GUCY1B1: variants seen among roughly 807,000 people sequenced by gnomAD.
GUCY1B1 encodes guanylate cyclase soluble subunit beta-1.
Under a neutral mutation model 71.0 loss-of-function variants are expected in GUCY1B1, and 43 were observed. The ratio of observed to expected loss-of-function variants is 0.61; its 90% confidence interval spans 0.47 to 0.78. The LOEUF is 0.78. GUCY1B1 is among the 30% of genes least tolerant of loss of function. The pLI, the probability that GUCY1B1 is intolerant of heterozygous loss-of-function variation, is 0.00. For synonymous variants in GUCY1B1, 266 were observed against 259.7 expected (o/e 1.02, Z -0.23); for missense variants, 535 against 754.1 (o/e 0.71, Z 3.40).
intron 2 of GUCY1B1, among the ~76,000 whole-genome samples, chr4:155,764,846 C>T (rs1327710083): frequency 1.3e-5 from 2 of 152,198 alleles, no homozygotes; most frequent in Admixed American, 1.3e-4. Context: ...CTTCCAGAAC[C>T]TGGACCATGT....
Position 155,805,166 on chromosome 4 carries a change from C to T in GUCY1B1, c.1773C>T (p.Ser591=). The T allele has an allele frequency of 6.2e-7, 1 of 1,611,166 alleles. No individual in the cohort carries two copies. Among genetic ancestry groups the T allele is most frequent in the Non-Finnish European group, 8.5e-7 (1 of 1,177,940 alleles). The part of the protein sequence containing the change: ...QFHLEHRGPV[S]MKGKKEPMQV... ...ACTTGGAGCACAGAGGCCCAGTGTC[C>T]ATGAAGGGCAAAAAAGAACCAATGC... The change falls in exon 13 of 14, where the codon TCC becomes TCT. Residue 591 remains serine (S), a synonymous_variant. Transcript: ENST00000264424.
chr4:155,778,807 G>A (rs1738226537), intron 4 of GUCY1B1, among the ~76,000 whole-genome samples: 1 of 152,022 alleles, frequency 6.6e-6, no homozygotes, highest in African/African-American at 2.4e-5. Context: ...AATGTTTTGG[G>A]GGATTTTGGG....
At chr4:155,761,771 T>C (rs1737013104) in intron 2 of GUCY1B1, among the ~76,000 whole-genome samples, 1 of 152,354 alleles carries the variant, frequency 6.6e-6, no homozygotes. Flanking sequence ...AATTTATCTT[T>C]AAGTAGCTTC....
At position 155,806,436 on chromosome 4, in the gene GUCY1B1, T is replaced by C. The variant is rs1371801593; in HGVS notation, c.*27T>C. On this transcript the variant is annotated 3_prime_UTR_variant, in exon 14 of 14. Coordinates refer to ENST00000264424, the MANE Select transcript of GUCY1B1 (RefSeq NM_000857.5). ...TCTTGGATTATGGGGTGAAGAGGAGTACAGACTAGGTTCCAGTTTTCTCCT... is the reference window on the plus strand; with the variant it reads ...TCTTGGATTATGGGGTGAAGAGGAGCACAGACTAGGTTCCAGTTTTCTCCT... The C allele has an allele frequency of 3.8e-6, 6 of 1,565,946 alleles. No individual in the cohort carries two copies. The highest frequency in any genetic ancestry group is 5.3e-6 in the Non-Finnish European group (6 of 1,137,480).
At chr4:155,793,135 G>T (rs1043731033) in intron 5 of GUCY1B1, among the ~76,000 whole-genome samples, 1 of 152,094 alleles carries the variant, frequency 6.6e-6, no homozygotes, top group Non-Finnish European at 1.5e-5. Context: ...GAATGCAATG[G>T]CATGATCTCG....
intron 11 of GUCY1B1, among the ~76,000 whole-genome samples, chr4:155,804,377 G>C (rs1375798057): frequency 6.6e-6 from 1 of 152,112 alleles, no homozygotes; most frequent in Non-Finnish European, 1.5e-5. Context: ...TTGGGGGCAA[G>C]GGGAGGGAGA....
chr4:155,790,530 C>T (rs979133288), intron 5 of GUCY1B1, among the ~76,000 whole-genome samples: 2 of 152,162 alleles, frequency 1.3e-5, no homozygotes, highest in African/African-American at 4.8e-5. Context: ...ACCACTGTTT[C>T]TCTTTACCTC....
At chr4:155,798,482 G>T (rs569376409) in intron 8 of GUCY1B1, among the ~76,000 whole-genome samples, 1 of 152,158 alleles carries the variant, frequency 6.6e-6, no homozygotes, top group Admixed American at 6.5e-5. Flanking sequence ...TCTGCAAGTG[G>T]ATTTACATAT....
At chr4:155,771,696 T>C (rs1219937616) in intron 2 of GUCY1B1, among the ~76,000 whole-genome samples, 2 of 152,170 alleles carry the variant, frequency 1.3e-5, no homozygotes, top group African/African-American at 4.8e-5. Flanking sequence ...ATTTATCCCA[T>C]TCCTAAGAAT....
At chr4:155,765,136 A>T (rs1170774437) in intron 2 of GUCY1B1, among the ~76,000 whole-genome samples, 1 of 152,134 alleles carries the variant, frequency 6.6e-6, no homozygotes, top group Non-Finnish European at 1.5e-5. Context: ...TCTCACTCTT[A>T]ATGTACCCAG....
At chr4:155,777,488 A>C (rs771309851) in intron 3 of GUCY1B1, 36 bp from the exon 4 acceptor site, 6 of 1,016,076 alleles carry the variant, frequency 5.9e-6, no homozygotes, top group Non-Finnish European at 9.4e-6. Context: ...TTCACCTATT[A>C]TATGCTTTTT....
rs558582992 is a variant in GUCY1B1, at chr4:155,799,293, T to A, written c.978-584T>A. 3.3e-5 allele frequency among the ~76,000 whole-genome samples: 5 copies of A among 152,004 alleles called. No individual in the cohort carries two copies. In the East Asian group the frequency reaches 9.7e-4, roughly 29 times the overall value. On this transcript the variant is annotated intron_variant, in intron 8 of 13. Coordinates refer to ENST00000264424, the MANE Select transcript of GUCY1B1 (RefSeq NM_000857.5). ...TAATGTTTCAAATAAATGAGAAAAA[T>A]TTGTCAAAGTAAAAAGAAGACATGA... is the stretch of plus-strand genomic sequence containing the variant.
At chr4:155,767,802 C>T (rs1333793669) in intron 2 of GUCY1B1, among the ~76,000 whole-genome samples, 6 of 152,100 alleles carry the variant, frequency 3.9e-5, no homozygotes, top group Admixed American at 6.6e-5. Context: ...GCTATTCATG[C>T]TCCACAGCCA....
chr4:155,763,572 A>G (rs985844937), intron 2 of GUCY1B1, among the ~76,000 whole-genome samples: 1 of 152,110 alleles, frequency 6.6e-6, no homozygotes, highest in African/African-American at 2.4e-5. Context: ...AGATTTCATG[A>G]TATTTTAGTC....
At chr4:155,793,421 A>G (rs182789981) in intron 5 of GUCY1B1, among the ~76,000 whole-genome samples, 40 of 152,350 alleles carry the variant, frequency 2.6e-4, no homozygotes, top group Admixed American at 6.5e-4. Flanking sequence ...GTTAAAAATG[A>G]CATTGCATTT....
In GUCY1B1 at chr4:155,802,968, C is replaced by G. The variant is rs554864429; in HGVS notation, c.1413+389C>G. 6.6e-6 allele frequency among the ~76,000 whole-genome samples: 1 copy of G among 152,108 alleles called. No homozygotes were observed. The highest frequency in any genetic ancestry group is 1.5e-5 in the Non-Finnish European group (1 of 68,024). Reference sequence around the variant, plus strand: ...TTTGTACAGTAAAGAAGTCATGAAGCATGAGAAGGACTCAGATTTGCGTTT... The same window carrying G: ...TTTGTACAGTAAAGAAGTCATGAAGGATGAGAAGGACTCAGATTTGCGTTT... On this transcript the variant is annotated intron_variant, in intron 10 of 13. Coordinates refer to ENST00000264424, the MANE Select transcript of GUCY1B1 (RefSeq NM_000857.5). The surrounding 1 kb of genome is among the most constrained non-coding windows in gnomAD (Gnocchi z 4.3).
intron 4 of GUCY1B1, among the ~76,000 whole-genome samples, chr4:155,785,896 AAC>A (rs1300896871): frequency 1.3e-5 from 2 of 152,218 alleles, no homozygotes; most frequent in East Asian, 1.9e-4. Context: ...TAAATTCAAT[AAC>A]ACAGTAAATC....
intron 2 of GUCY1B1, among the ~76,000 whole-genome samples, chr4:155,761,432 A>G (rs1348153540): frequency 6.6e-6 from 1 of 152,180 alleles, no homozygotes; most frequent in African/African-American, 2.4e-5. Context: ...TGCTATGACA[A>G]TGAATATGCT....
At chr4:155,804,806 G>T (rs1740206697) in intron 12 of GUCY1B1, 59 bp downstream of exon 12, 1 of 1,446,276 alleles carries the variant, frequency 6.9e-7, no homozygotes, top group Non-Finnish European at 9.6e-7. Context: ...TTTGCATGTG[G>T]TTTAATTCTC....
Sources: allele counts gnomAD v4.1 joint callset (sites outside exome capture counted in the v4.1 genomes callset), GRCh38; gene constraint gnomAD v4.1.1; non-coding constraint Gnocchi (gnomAD v3.1); transcripts MANE v1.5; gene names NCBI Gene and HGNC (gene_info 2026-07-23, HGNC 2026-07-21).